Variants in RANBP17 observed in about 807,000 individuals in gnomAD.
RANBP17 encodes the protein RAN binding protein 17.
A neutral mutation model predicts 141.2 loss-of-function variants in RANBP17; 158 were observed. The ratio of observed to expected loss-of-function variants is 1.12; its 90% confidence interval spans 0.98 to 1.28. The LOEUF (loss-of-function observed/expected upper bound fraction) is 1.28. Ranked by LOEUF, RANBP17 falls within the 50% of genes most tolerant of loss-of-function variation. The pLI, the probability that RANBP17 is intolerant of heterozygous loss-of-function variation, is 0.00. For synonymous variants in RANBP17, 430 were observed against 450.0 expected (o/e 0.96, Z 0.56); for missense variants, 1,438 against 1,290.7 (o/e 1.11, Z -1.75).
At chr5:171,165,258 T>C (rs1216697690) in intron 14 of RANBP17, among the ~76,000 whole-genome samples, 2 of 152,212 alleles carry the variant, frequency 1.3e-5, no homozygotes, top group Non-Finnish European at 2.9e-5. Context: ...CTTGGCTCAC[T>C]GCAACCTCCG....
At chr5:171,130,294 G>A (rs770858168) in intron 14 of RANBP17, among the ~76,000 whole-genome samples, 1 of 152,042 alleles carries the variant, frequency 6.6e-6, no homozygotes, top group Non-Finnish European at 1.5e-5. Context: ...CACAGGAGAA[G>A]AAATTGCAAA....
At chr5:171,245,063 A>G (rs1765131755) in intron 24 of RANBP17, among the ~76,000 whole-genome samples, 1 of 151,758 alleles carries the variant, frequency 6.6e-6, no homozygotes, top group Non-Finnish European at 1.5e-5. Flanking sequence ...TGGGAGGCGG[A>G]GCTTGCAGTG....
intron 14 of RANBP17, among the ~76,000 whole-genome samples, chr5:171,008,708 CAA>C (rs1342314392): frequency 6.6e-6 from 1 of 152,110 alleles, no homozygotes; most frequent in Non-Finnish European, 1.5e-5. Flanking sequence ...GGGGCAAAAA[CAA>C]ATCACAAGGG....
At chr5:171,282,043 A>G (rs1416122420) in intron 25 of RANBP17, among the ~76,000 whole-genome samples, 1 of 152,222 alleles carries the variant, frequency 6.6e-6, no homozygotes, top group East Asian at 1.9e-4. Context: ...GGGCTGGCTT[A>G]TCGGGGCAGA....
intron 14 of RANBP17, among the ~76,000 whole-genome samples, chr5:171,163,701 A>G (rs1210508123): frequency 2.0e-5 from 3 of 152,218 alleles, no homozygotes; most frequent in African/African-American, 7.2e-5. Context: ...ACCTTCATTA[A>G]TAAGTCATTC....
In RANBP17 at chr5:171,231,454, A is replaced by G. The variant is rs774025659; in HGVS notation, c.2423-9474A>G. Among the ~76,000 whole-genome samples the G allele has an allele frequency of 1.3e-4, 20 of 152,164 alleles. 1 individual carries two copies. The highest frequency in any genetic ancestry group is 2.5e-4 in the Non-Finnish European group (17 of 68,022). On this transcript the variant is annotated intron_variant, in intron 22 of 27. Coordinates refer to ENST00000523189, the MANE Select transcript of RANBP17 (RefSeq NM_022897.5). ...ATACTACTCTAAGACTATACGTAGG[A>G]TCCTTGCCATCTTCAATATAGTTTT...
chr5:171,105,209 C>T (rs1050142907), intron 14 of RANBP17, among the ~76,000 whole-genome samples: 12 of 150,072 alleles, frequency 8.0e-5, no homozygotes, highest in South Asian at 2.1e-4. Flanking sequence ...GGTGAAACCC[C>T]GTCTCTACTA....
At chr5:170,942,815 T>A (rs1774435455) in intron 12 of RANBP17, among the ~76,000 whole-genome samples, 1 of 152,196 alleles carries the variant, frequency 6.6e-6, no homozygotes, top group Non-Finnish European at 1.5e-5. Flanking sequence ...GGAAAAGACC[T>A]ATTTTCCTTC....
intron 20 of RANBP17, chr5:171,206,856 G>A (rs564578979): frequency 5.5e-6 from 1 of 183,346 alleles, no homozygotes; most frequent in South Asian, 2.0e-4. Context: ...AAATTTTTAT[G>A]TCATTGAGTA....
chr5:170,897,563 C>T (rs554951652), intron 5 of RANBP17, among the ~76,000 whole-genome samples: 119 of 151,832 alleles, frequency 7.8e-4, no homozygotes, highest in Non-Finnish European at 1.2e-3. Flanking sequence ...CTCCCCTAGC[C>T]CCCCAACCCC....
intron 14 of RANBP17, among the ~76,000 whole-genome samples, chr5:171,053,612 A>AT (rs1401204526): frequency 6.6e-6 from 1 of 151,786 alleles, no homozygotes; most frequent in African/African-American, 2.4e-5. Context: ...GCTGTAGTAG[A>AT]TTTTTTGTAG....
chr5:171,292,496 G>C (rs932959503), intron 25 of RANBP17, among the ~76,000 whole-genome samples: 1 of 152,114 alleles, frequency 6.6e-6, no homozygotes, highest in Non-Finnish European at 1.5e-5. Context: ...GAGATCACAG[G>C]ATAAATTGGA....
intron 14 of RANBP17, among the ~76,000 whole-genome samples, chr5:171,159,933 A>AAAAAAAAAG (rs1759211906): frequency 6.6e-6 from 1 of 150,940 alleles, no homozygotes; most frequent in Non-Finnish European, 1.5e-5. Context: ...AAAAAAAAAA[A>AAAAAAAAAG]AAAAAAAAGA....
intron 22 of RANBP17, among the ~76,000 whole-genome samples, chr5:171,239,727 C>T (rs1011927210): frequency 6.6e-6 from 1 of 152,146 alleles, no homozygotes; most frequent in Non-Finnish European, 1.5e-5. Context: ...AAGGCTGTTG[C>T]GTCTGCATAG....
intron 12 of RANBP17, among the ~76,000 whole-genome samples, chr5:170,942,578 CTTTAAAAAA>C (rs562822883): frequency 0.028 from 4,267 of 152,010 alleles, 97 homozygotes; most frequent in Non-Finnish European, 0.039. Context: ...TGTGAGGAAG[CTTTAAAAAA>C]TCAAAAGAAT....
intron 14 of RANBP17, among the ~76,000 whole-genome samples, chr5:171,026,512 T>C (rs1464155410): frequency 6.6e-6 from 1 of 152,206 alleles, no homozygotes; most frequent in Admixed American, 6.5e-5. Context: ...TTCATTCCTT[T>C]AACAGAAGAG....
chr5:171,068,687 A>G (rs1204664379), intron 14 of RANBP17, among the ~76,000 whole-genome samples: 1 of 151,966 alleles, frequency 6.6e-6, no homozygotes, highest in African/African-American at 2.4e-5. Flanking sequence ...CCCATATTCA[A>G]GTGATTGTCC....
intron 4 of RANBP17, 27 bp from the exon 5 acceptor site, chr5:170,896,023 G>A: frequency 2.0e-6 from 3 of 1,494,396 alleles, no homozygotes; most frequent in Non-Finnish European, 2.7e-6. Flanking sequence ...TCTCCACTTA[G>A]GCTAAACTTT....
At chr5:170,961,674 A>G (rs773126481) in intron 13 of RANBP17, among the ~76,000 whole-genome samples, 1 of 152,210 alleles carries the variant, frequency 6.6e-6, no homozygotes, top group Non-Finnish European at 1.5e-5. Context: ...TATAATGCAG[A>G]TATTCCAAAT....
Sources: allele counts gnomAD v4.1 joint callset (sites outside exome capture counted in the v4.1 genomes callset), GRCh38; gene constraint gnomAD v4.1.1; transcripts MANE v1.5; gene names NCBI Gene and HGNC (gene_info 2026-07-23, HGNC 2026-07-21).